The following IL20RB variants were observed in gnomAD, a reference collection of about 807,000 sequenced individuals.
The protein encoded by IL20RB is interleukin-20 receptor subunit beta.
A neutral mutation model predicts 33.3 loss-of-function variants in IL20RB; 21 were observed. The ratio of observed to expected loss-of-function variants is 0.63; its 90% confidence interval spans 0.45 to 0.91. IL20RB has a LOEUF of 0.91. Among genes scored for constraint, IL20RB ranks in the 40% least tolerant of loss-of-function variants. The pLI is 0.00. For synonymous variants in IL20RB, 147 were observed against 146.8 expected, an observed-to-expected ratio of 1.00 and a Z score of -0.01; for missense variants, 345 against 384.8, an observed-to-expected ratio of 0.90 and a Z score of 0.86.
At chr3:136,973,069 T>C (rs1410944678) in intron 1 of IL20RB, among the ~76,000 whole-genome samples, 1 of 152,144 alleles carries the variant, frequency 6.6e-6, no homozygotes, top group South Asian at 2.1e-4. Flanking sequence ...TTCAAGATCA[T>C]GTTGTTTAAT....
intron 1 of IL20RB, among the ~76,000 whole-genome samples, chr3:136,973,169 T>C (rs550661151): frequency 6.6e-6 from 1 of 152,240 alleles, no homozygotes; most frequent in Admixed American, 6.5e-5. Context: ...GAGAAGATGC[T>C]TGATAGGATT....
chr3:136,996,472 C>T (rs938122880), intron 6 of IL20RB, among the ~76,000 whole-genome samples: 2 of 152,200 alleles, frequency 1.3e-5, no homozygotes, highest in African/African-American at 4.8e-5. Context: ...CTACCTGCAA[C>T]TTATACATGC....
intron 3 of IL20RB, among the ~76,000 whole-genome samples, chr3:136,987,849 C>T (rs1327309955): frequency 1.3e-5 from 2 of 152,204 alleles, no homozygotes; most frequent in Admixed American, 1.3e-4. Flanking sequence ...CCCCTCATTG[C>T]CGGGGCCGGC....
intron 2 of IL20RB, among the ~76,000 whole-genome samples, chr3:136,981,321 T>A (rs1373554250): frequency 7.6e-6 from 1 of 131,894 alleles, no homozygotes; most frequent in Non-Finnish European, 1.7e-5. Flanking sequence ...CCTGCCACAC[T>A]AGTCACATTT....
At chr3:136,980,346 T>G (rs1365959469) in intron 1 of IL20RB, 120 bp from the exon 2 acceptor site, 2 of 1,114,388 alleles carry the variant, frequency 1.8e-6, no homozygotes, top group East Asian at 4.8e-5. Context: ...AGTGCAGTGG[T>G]GCAATCTCAG....
chr3:136,978,271 G>C (rs992948605), intron 1 of IL20RB, among the ~76,000 whole-genome samples: 1 of 150,438 alleles, frequency 6.6e-6, no homozygotes, highest in South Asian at 2.1e-4. Context: ...GTTCAAGCAA[G>C]TCTCCTGCCT....
rs1365589595 is a variant in IL20RB at position 136,974,520 on chromosome 3, T to C, written c.89-5946T>C. ...CTGCTGAGAAATCCACTGATGGGGT[T>C]TCCATCAGACTAGATGCTTTTTTTC... On this transcript the variant is annotated intron_variant, in intron 1 of 6. Coordinates refer to ENST00000329582, the MANE Select transcript of IL20RB (RefSeq NM_144717.4). Among the ~76,000 whole-genome samples the C allele has an allele frequency of 4.9e-4, 74 of 152,300 alleles. 1 individual carries two copies. Among genetic ancestry groups the C allele is most frequent in the Non-Finnish European group, 1.0e-4 (7 of 68,010 alleles).
At chr3:136,977,689 C>G (rs1221791161) in intron 1 of IL20RB, among the ~76,000 whole-genome samples, 1 of 152,096 alleles carries the variant, frequency 6.6e-6, no homozygotes, top group East Asian at 1.9e-4. Flanking sequence ...CCACGCCCAG[C>G]TAATTTTTCT....
intron 1 of IL20RB, chr3:136,959,011 G>A (rs1231097617): frequency 1.3e-5 from 2 of 151,770 alleles, no homozygotes; most frequent in Non-Finnish European, 2.9e-5. Context: ...GTTTACATCA[G>A]GTAACAAATC....
chr3:136,998,331 A>G (rs1399645639), intron 6 of IL20RB, among the ~76,000 whole-genome samples: 1 of 151,626 alleles, frequency 6.6e-6, no homozygotes, highest in East Asian at 1.9e-4. Context: ...TTCACATGAA[A>G]TGTAAGAATT....
intron 1 of IL20RB, among the ~76,000 whole-genome samples, chr3:136,971,320 G>A (rs904593692): frequency 6.6e-6 from 1 of 152,074 alleles, no homozygotes; most frequent in Non-Finnish European, 1.5e-5. Flanking sequence ...TAGTAGAGAT[G>A]GGATTTCACC....
intron 6 of IL20RB, among the ~76,000 whole-genome samples, chr3:137,001,956 GAT>G (rs1942252137): frequency 6.6e-6 from 1 of 152,110 alleles, no homozygotes; most frequent in East Asian, 1.9e-4. Flanking sequence ...CCCGGTGTGT[GAT>G]GTTCCCTGCA....
chr3:136,999,488 G>A (rs1013620651), intron 6 of IL20RB, among the ~76,000 whole-genome samples: 1 of 151,468 alleles, frequency 6.6e-6, no homozygotes, highest in Admixed American at 6.6e-5. Flanking sequence ...ATATCCTTCC[G>A]CCTTGGCCTC....
intron 6 of IL20RB, among the ~76,000 whole-genome samples, chr3:136,998,878 A>G: frequency 6.6e-6 from 1 of 152,102 alleles, no homozygotes; most frequent in East Asian, 1.9e-4. Context: ...TGTTTTTGAT[A>G]AGAAAACATC....
At chr3:136,962,701 G>A (rs564806965) in intron 1 of IL20RB, among the ~76,000 whole-genome samples, 2 of 149,892 alleles carry the variant, frequency 1.3e-5, no homozygotes, top group East Asian at 3.9e-4. Flanking sequence ...GCAGCGAGCC[G>A]AGATTGCACC....
chr3:137,008,221 T>C (rs907832052), intron 6 of IL20RB, among the ~76,000 whole-genome samples: 2 of 152,026 alleles, frequency 1.3e-5, no homozygotes, highest in African/African-American at 4.8e-5. Flanking sequence ...GCATGCTTCA[T>C]AGAAAGTGGA....
intron 6 of IL20RB, 52 bp from the exon 7 acceptor site, chr3:137,010,061 T>C: frequency 1.2e-6 from 1 of 838,800 alleles, no homozygotes; most frequent in Non-Finnish European, 2.1e-6. Flanking sequence ...TATTCTTTAG[T>C]ATTACTACTA....
At chr3:136,980,924 C>T (rs1332914805) in intron 2 of IL20RB, among the ~76,000 whole-genome samples, 1 of 152,100 alleles carries the variant, frequency 6.6e-6, no homozygotes, top group Non-Finnish European at 1.5e-5. Flanking sequence ...GTGGAGGAGT[C>T]CTCACTTTTC....
At chr3:136,995,766 A>T (rs528935280) in intron 6 of IL20RB, among the ~76,000 whole-genome samples, 19 of 152,256 alleles carry the variant, frequency 1.2e-4, no homozygotes, top group African/African-American at 4.1e-4. Context: ...GACCTTCCTG[A>T]GGCAAGCCAC....
Sources: allele counts gnomAD v4.1 joint callset (sites outside exome capture counted in the v4.1 genomes callset), GRCh38; gene constraint gnomAD v4.1.1; transcripts MANE v1.5; gene names NCBI Gene and HGNC (gene_info 2026-07-23, HGNC 2026-07-21).